Variants in NUP98 observed in about 807,000 individuals in gnomAD.
The protein encoded by NUP98 is nucleoporin 98 and 96 precursor.
In NUP98, 26 loss-of-function variants were observed where a neutral mutation model predicts 191.9. The ratio of observed to expected loss-of-function variants is 0.14; its 90% CI spans 0.10 to 0.19. The LOEUF (loss-of-function observed/expected upper bound fraction) is 0.19, where lower values mean the gene tolerates loss of function less well. Among genes scored for constraint, NUP98 ranks in the 10% least tolerant of loss-of-function variants. The pLI is 1.00. For synonymous variants in NUP98, 808 were observed against 778.4 expected (o/e 1.04, Z -0.63); for missense variants, 1,941 against 2,178.8 (o/e 0.89, Z 2.17).
At chr11:3,768,143 C>T (rs1463666473) in intron 8 of NUP98, among the ~76,000 whole-genome samples, 2 of 152,152 alleles carry the variant, frequency 1.3e-5, no homozygotes, top group East Asian at 3.9e-4. Context: ...TGTTCTTGGC[C>T]GGGCACGGTG....
At chr11:3,684,163 G>C (rs918923700) in intron 29 of NUP98, among the ~76,000 whole-genome samples, 18 of 152,160 alleles carry the variant, frequency 1.2e-4, no homozygotes, top group Non-Finnish European at 2.5e-4. Context: ...AGTGAGCCGA[G>C]ATCACGCCAT....
intron 13 of NUP98, among the ~76,000 whole-genome samples, chr11:3,734,807 C>A (rs1301377706): frequency 6.6e-6 from 1 of 152,164 alleles, no homozygotes; most frequent in Non-Finnish European, 1.5e-5. Context: ...TGGCTTACAC[C>A]TGTAATCCCA....
At position 3,712,270 on chromosome 11, in the gene NUP98, T is replaced by C. The variant is rs1404660417; in HGVS notation, c.2742+294A>G. The C allele has an allele frequency of 6.9e-6, 8 of 1,164,190 alleles. No individual in the cohort carries two copies. The African/African-American group carries it at 1.3e-4, about 18-fold the overall frequency. 72.1% of individuals were successfully genotyped at this position (1,164,190 alleles called of 1,614,324 possible). A position where few individuals can be genotyped will look rare whatever the true frequency, so the allele number is the denominator to read the frequency against. On this transcript the variant is annotated intron_variant, in intron 20 of 32. Coordinates refer to ENST00000324932, the MANE Select transcript of NUP98 (RefSeq NM_016320.5). ...GAACCCACATGAGCAAATCTTAAGT[T>C]AATCACTGAGCAGAGAATTCAGCAA...
In NUP98 at chr11:3,693,389, A is replaced by T. The variant is rs1474276512; in HGVS notation, c.4168-14T>A. 2 of 1,613,662 alleles carry T rather than the reference A, an allele frequency of 1.2e-6. No individual in the cohort carries two copies. Among genetic ancestry groups the T allele is most frequent in the Non-Finnish European group, 1.7e-6 (2 of 1,179,740 alleles). Reference sequence around the variant, plus strand: ...GAGCTGCCACACCTGTGCGAAACAAAATCATCACCATGGCTATATTCTACC... The same window carrying T: ...GAGCTGCCACACCTGTGCGAAACAATATCATCACCATGGCTATATTCTACC... On this transcript the variant is annotated splice_polypyrimidine_tract_variant and intron_variant, in intron 26 of 32. Transcript: ENST00000324932.
chr11:3,729,522 C>T (rs1204848873), intron 14 of NUP98, among the ~76,000 whole-genome samples: 1 of 103,836 alleles, frequency 9.6e-6, no homozygotes, highest in Non-Finnish European at 1.8e-5. Flanking sequence ...CCGTGGGCAA[C>T]ACAGAAAGAC....
At chr11:3,751,217 G>C (rs950830772) in intron 11 of NUP98, among the ~76,000 whole-genome samples, 1 of 152,078 alleles carries the variant, frequency 6.6e-6, no homozygotes, top group Non-Finnish European at 1.5e-5. Context: ...AATTAGCTGG[G>C]CATGTGGGCA....
At chr11:3,725,017 A>AT (rs1286171885) in intron 15 of NUP98, 86 bp downstream of exon 15, 5 of 643,964 alleles carry the variant, frequency 7.8e-6, no homozygotes, top group African/African-American at 1.8e-5. Context: ...ATCAAACTTC[A>AT]TAAATTTTCA....
chr11:3,733,730 C>A (rs2079931936), intron 13 of NUP98, among the ~76,000 whole-genome samples: 1 of 152,166 alleles, frequency 6.6e-6, no homozygotes. Flanking sequence ...TTTTGTTTAT[C>A]CATTCGTCAT....
intron 31 of NUP98, chr11:3,679,331 C>T (rs1350010430): frequency 4.7e-6 from 3 of 643,968 alleles, no homozygotes; most frequent in Non-Finnish European, 5.7e-6. Flanking sequence ...TCAGGAATGT[C>T]TATTGCACAT....
chr11:3,743,359 A>G (rs2080356532), intron 12 of NUP98, among the ~76,000 whole-genome samples: 1 of 149,364 alleles, frequency 6.7e-6, no homozygotes, highest in Non-Finnish European at 1.5e-5. Flanking sequence ...AAAGTAAGTT[A>G]ATTTCGGCCT....
intron 22 of NUP98, among the ~76,000 whole-genome samples, chr11:3,703,314 T>G (rs1313500785): frequency 6.6e-6 from 1 of 151,770 alleles, no homozygotes. Flanking sequence ...CCTCCTGGGT[T>G]CAAGCAATTC....
chr11:3,693,439 A>C, intron 26 of NUP98, 64 bp from the exon 27 acceptor site: 1 of 1,492,524 alleles, frequency 6.7e-7, no homozygotes, highest in Admixed American at 1.8e-5. Context: ...GTGTGCAATA[A>C]CACTGAAGTG....
rs1269249060 is a variant in NUP98, at chr11:3,779,633, C to T, written c.77-376G>A. Among the ~76,000 whole-genome samples the T allele has an allele frequency of 1.0e-4, 8 of 77,320 alleles. No homozygotes were observed. The East Asian group carries it at 2.0e-3, about 20-fold the overall frequency. 50.7% of individuals were successfully genotyped at this position (77,320 alleles called of 152,430 possible). A position where few individuals can be genotyped will look rare whatever the true frequency, so the allele number is the denominator to read the frequency against. The stretch of plus-strand genomic sequence containing the variant: ...TCCAGCCGGGGCAACAAGTGTGAAA[C>T]GCCGTCTCAAAAAAAAAAAAAAAAT... On this transcript the variant is annotated intron_variant, in intron 2 of 32. Transcript: ENST00000324932.
intron 10 of NUP98, 140 bp downstream of exon 10, chr11:3,760,399 T>C: frequency 7.5e-7 from 1 of 1,325,096 alleles, no homozygotes; most frequent in Non-Finnish European, 1.1e-6. Flanking sequence ...TGAGAACTTT[T>C]AAATATTTCC....
At chr11:3,753,753 T>C (rs1006042720) in intron 10 of NUP98, among the ~76,000 whole-genome samples, 11 of 2,210 alleles carry the variant, frequency 5.0e-3, no homozygotes, top group Non-Finnish European at 7.7e-3. Context: ...TCTATAAAAA[T>C]ACAAAAAAAA....
In NUP98 at chr11:3,723,199, G is replaced by A; in HGVS notation, c.2104C>T (p.Arg702Ter). ...TAAGAATTATTTTCTATTTCTTCTCGGTCATCCTGAAGTGACTCATCATGA... is the reference window on the plus strand; with the variant it reads ...TAAGAATTATTTTCTATTTCTTCTCAGTCATCCTGAAGTGACTCATCATGA... ...SFHDESLQDDREEIENNSYHM... is the reference protein window; with the variant it reads ...SFHDESLQDD The change falls in exon 16 of 33, where the codon CGA becomes TGA. Residue 702 changes from arginine to a stop codon, truncating the protein, a stop_gained. Coordinates refer to ENST00000324932, the MANE Select transcript of NUP98 (RefSeq NM_016320.5). LOFTEE classifies it high-confidence loss of function. The A allele has an allele frequency of 6.2e-7, 1 of 1,613,940 alleles. No individual in the cohort carries two copies. Among genetic ancestry groups the A allele is most frequent in the Non-Finnish European group, 8.5e-7 (1 of 1,179,986 alleles).
At chr11:3,757,073 G>A (rs1169775898) in intron 10 of NUP98, among the ~76,000 whole-genome samples, 3 of 150,480 alleles carry the variant, frequency 2.0e-5, no homozygotes, top group East Asian at 1.9e-4. Context: ...GGGCGACAGA[G>A]CGAGACTCCA....
chr11:3,762,400 G>A (rs1054035199), intron 9 of NUP98, among the ~76,000 whole-genome samples: 1 of 152,030 alleles, frequency 6.6e-6, no homozygotes, highest in Non-Finnish European at 1.5e-5. Flanking sequence ...GGGATTACAG[G>A]CGTGAGCCAC....
chr11:3,714,394 T>C (rs61879799), intron 18 of NUP98, among the ~76,000 whole-genome samples: 7,433 of 152,246 alleles, frequency 0.049, 239 homozygotes, highest in Middle Eastern at 0.099. Flanking sequence ...TAAAAACAAA[T>C]GCTTAGAAAA....
Sources: allele counts gnomAD v4.1 joint callset (sites outside exome capture counted in the v4.1 genomes callset), GRCh38; gene constraint gnomAD v4.1.1; transcripts MANE v1.5; gene names NCBI Gene and HGNC (gene_info 2026-07-23, HGNC 2026-07-21).